Variants in ZNF385D observed in about 807,000 individuals in gnomAD.
The protein encoded by ZNF385D is zinc finger protein 385D, also known as zinc finger protein 659.
A neutral mutation model predicts 35.8 loss-of-function variants in ZNF385D; 15 were observed. The ratio of observed to expected loss-of-function variants is 0.42; its 90% CI spans 0.28 to 0.64. The LOEUF (loss-of-function observed/expected upper bound fraction) is 0.64, where lower values mean the gene tolerates loss of function less well. Ranked by LOEUF, ZNF385D falls within the 30% of genes least tolerant of loss-of-function variation. The probability of loss-of-function intolerance (pLI) is 0.23; values close to 1 mark genes in which losing one functional copy is unlikely to be tolerated. For missense variants in ZNF385D, 474 were observed against 494.6 expected (o/e 0.96, Z 0.39); for synonymous variants, 212 against 186.8 (o/e 1.13, Z -1.10).
At chr3:22,046,096 A>G (rs1214011593) in intron 3 of ZNF385D, among the ~76,000 whole-genome samples, 2 of 152,126 alleles carry the variant, frequency 1.3e-5, no homozygotes, top group Non-Finnish European at 2.9e-5. Flanking sequence ...GTGGCTTAGC[A>G]CAACTGTTTC....
intron 3 of ZNF385D, among the ~76,000 whole-genome samples, chr3:22,028,397 G>T (rs1277528504): frequency 6.6e-6 from 1 of 152,152 alleles, no homozygotes; most frequent in Middle Eastern, 3.2e-3. Flanking sequence ...TCAGCAACAT[G>T]TACTTCCACT....
chr3:21,886,654 T>C (rs1010738810), intron 3 of ZNF385D, among the ~76,000 whole-genome samples: 1 of 152,140 alleles, frequency 6.6e-6, no homozygotes, highest in Non-Finnish European at 1.5e-5. Flanking sequence ...GGAGTGCATC[T>C]GTAGAAAGAA....
intron 3 of ZNF385D, among the ~76,000 whole-genome samples, chr3:22,080,652 G>C (rs1019876598): frequency 6.6e-6 from 1 of 151,506 alleles, no homozygotes; most frequent in Admixed American, 6.6e-5. Flanking sequence ...GAAATACTTC[G>C]ATAAATATCG....
chr3:22,204,225 G>A (rs1468922229), intron 2 of ZNF385D, among the ~76,000 whole-genome samples: 1 of 152,016 alleles, frequency 6.6e-6, no homozygotes, highest in Non-Finnish European at 1.5e-5. Flanking sequence ...AATTCTTCTG[G>A]ATCTTATCCA....
intron 3 of ZNF385D, among the ~76,000 whole-genome samples, chr3:21,851,645 TTAA>T (rs1456110913): frequency 2.7e-4 from 41 of 152,184 alleles, no homozygotes; most frequent in African/African-American, 7.0e-4. Context: ...TTTCATGTGA[TTAA>T]TAATAGCTGA....
intron 3 of ZNF385D, among the ~76,000 whole-genome samples, chr3:21,872,177 A>C (rs1697729123): frequency 6.6e-6 from 1 of 152,166 alleles, no homozygotes; most frequent in Non-Finnish European, 1.5e-5. Flanking sequence ...AAAAACACAC[A>C]AATTACACAC....
intron 2 of ZNF385D, among the ~76,000 whole-genome samples, chr3:21,651,650 C>G (rs554440917): frequency 1.3e-5 from 2 of 151,606 alleles, no homozygotes; most frequent in Non-Finnish European, 2.9e-5. Flanking sequence ...TCTGTTCTGC[C>G]GATTTTAAAT....
intron 2 of ZNF385D, among the ~76,000 whole-genome samples, chr3:22,302,738 T>C (rs972849241): frequency 6.6e-6 from 1 of 152,148 alleles, no homozygotes; most frequent in African/African-American, 2.4e-5. Context: ...TTTATCTGTA[T>C]ACATTTTCTA....
chr3:21,873,102 CT>C (rs1697781455), intron 3 of ZNF385D, among the ~76,000 whole-genome samples: 1 of 151,920 alleles, frequency 6.6e-6, no homozygotes, highest in South Asian at 2.1e-4. Flanking sequence ...ATTTTATAAA[CT>C]TTAAATATTT....
Position 21,861,067 on chromosome 3 carries a change from G to C in ZNF385D, c.326-196039C>G, listed in dbSNP as rs921654379. 3.9e-5 allele frequency among the ~76,000 whole-genome samples: 6 copies of C among 152,246 alleles called. No individual in the cohort carries two copies. The East Asian group carries it at 1.2e-3, about 29-fold the overall frequency. Reference sequence around the variant, plus strand: ...ATAGAGCAGACAAAGAACAGTTTAAGCGTTATCCACTCAAGGTCAAACAAA... The same window carrying C: ...ATAGAGCAGACAAAGAACAGTTTAACCGTTATCCACTCAAGGTCAAACAAA... On this transcript the variant is annotated intron_variant, in intron 3 of 5. Coordinates refer to the ZNF385D transcript ENST00000494108.
rs143578316 is a variant in ZNF385D, at chr3:21,878,701, C to T, written c.326-213673G>A. ...AAGTGATTCTTTCTCTAGGTAGGTT[C>T]CATGAAGTGGAATTTCTGAGTCATG... is the stretch of plus-strand genomic sequence containing the variant. On this transcript the variant is annotated intron_variant, in intron 3 of 5. Transcript: ENST00000494108. Among the ~76,000 whole-genome samples, 697 of 152,036 alleles carry T rather than the reference C, an allele frequency of 4.6e-3. 5 individuals are homozygous for T. The highest frequency in any genetic ancestry group is 0.016 in the African/African-American group (668 of 41,514).
chr3:21,852,563 GA>G (rs1696449098), intron 3 of ZNF385D, among the ~76,000 whole-genome samples: 1 of 151,864 alleles, frequency 6.6e-6, no homozygotes, highest in African/African-American at 2.4e-5. Flanking sequence ...TTTATCAAAA[GA>G]ATTCTGAAAA....
chr3:21,879,707 T>C (rs1451520892), intron 3 of ZNF385D, among the ~76,000 whole-genome samples: 1 of 152,008 alleles, frequency 6.6e-6, no homozygotes, highest in East Asian at 1.9e-4. Context: ...TCTGAGCCGC[T>C]AGGCGCTTCA....
At chr3:21,916,916 C>T (rs1007543402) in intron 3 of ZNF385D, among the ~76,000 whole-genome samples, 1 of 152,186 alleles carries the variant, frequency 6.6e-6, no homozygotes, top group African/African-American at 2.4e-5. Context: ...AATTTCCAAT[C>T]CCATTCTGTA....
At chr3:21,606,476 T>C (rs2064488089) in intron 2 of ZNF385D, among the ~76,000 whole-genome samples, 1 of 152,214 alleles carries the variant, frequency 6.6e-6, no homozygotes, top group Non-Finnish European at 1.5e-5. Flanking sequence ...ACACCATTAA[T>C]ATATTTTAGA....
chr3:22,345,288 A>G (rs73140272), intron 2 of ZNF385D, among the ~76,000 whole-genome samples: 7,065 of 152,156 alleles, frequency 0.046, 510 homozygotes, highest in African/African-American at 0.16. Flanking sequence ...AAGGTTTCCA[A>G]CTCTTCAGTC....
chr3:21,980,744 G>A (rs993711512), intron 3 of ZNF385D, among the ~76,000 whole-genome samples: 4 of 152,070 alleles, frequency 2.6e-5, no homozygotes, highest in Non-Finnish European at 5.9e-5. Flanking sequence ...AGACCACAGT[G>A]TCTGTTGTTT....
chr3:21,806,398 G>T (rs554646540), intron 3 of ZNF385D, among the ~76,000 whole-genome samples: 53 of 151,928 alleles, frequency 3.5e-4, no homozygotes, highest in African/African-American at 1.2e-3. Context: ...GTAGAGACGG[G>T]GTTTCACCGT....
intron 3 of ZNF385D, among the ~76,000 whole-genome samples, chr3:22,140,265 T>G (rs1439808861): frequency 6.6e-6 from 1 of 152,176 alleles, no homozygotes; most frequent in Non-Finnish European, 1.5e-5. Flanking sequence ...AACAGATTAT[T>G]GATAACACAA....
Sources: allele counts gnomAD v4.1 joint callset (sites outside exome capture counted in the v4.1 genomes callset), GRCh38; gene constraint gnomAD v4.1.1; transcripts MANE v1.5; gene names NCBI Gene and HGNC (gene_info 2026-07-23, HGNC 2026-07-21).